ARMH3: variants seen among roughly 807,000 people sequenced by gnomAD.
ARMH3 encodes the protein armadillo like helical domain containing 3, also known as armadillo-like helical domain-containing protein 3.
Under a neutral mutation model 99.1 loss-of-function variants are expected in ARMH3, and 60 were observed. That is an observed-to-expected ratio of 0.61 (90% CI 0.49 to 0.75). The LOEUF (loss-of-function observed/expected upper bound fraction) is 0.75. ARMH3 is among the 30% of genes least tolerant of loss of function. The probability of loss-of-function intolerance (pLI) is 0.00; values close to 1 mark genes in which losing one functional copy is unlikely to be tolerated. For missense variants in ARMH3, 679 were observed against 843.1 expected (o/e 0.81, Z 2.41); for synonymous variants, 285 against 292.8 (o/e 0.97, Z 0.27).
rs114394025 is a variant in ARMH3 at position 101,860,807 on chromosome 10, G to A, written c.1861-10915C>T. ...GCCACAATAGTTACACCCGAGCAGT[G>A]GCACTAAACTAGCCCTAGAGTAAAG... On this transcript the variant is annotated intron_variant, in intron 24 of 25. Coordinates refer to ENST00000370033, the MANE Select transcript of ARMH3 (RefSeq NM_024541.3). Among the ~76,000 whole-genome samples the A allele has an allele frequency of 9.4e-3, 1,427 of 152,194 alleles. 19 individuals carry two copies. Among genetic ancestry groups the A allele is most frequent in the African/African-American group, 0.033 (1,350 of 41,514 alleles).
At chr10:102,013,509 T>C (rs1221267816) in intron 9 of ARMH3, among the ~76,000 whole-genome samples, 1 of 152,172 alleles carries the variant, frequency 6.6e-6, no homozygotes, top group Non-Finnish European at 1.5e-5. Flanking sequence ...CTCCCTATAT[T>C]CAGAGATCAG....
chr10:101,975,262 T>C lies in ARMH3; in HGVS notation c.1445A>G (p.Gln482Arg). Reference sequence around the variant, plus strand: ...ATGCAGGCGTACCCGACACTTCTTCTGGTAGCAGAGCAGTTTGTGTACTAC... The same window carrying C: ...ATGCAGGCGTACCCGACACTTCTTCCGGTAGCAGAGCAGTTTGTGTACTAC... The part of the protein sequence containing the change: ...IQVVHKLLCY[Q>R]KKCRVRLHYT... Residue 482 changes from glutamine to arginine, a missense_variant, in exon 20 of 26, where the codon CAG (glutamine) becomes CGG (arginine). By Grantham distance (43) the Gln-to-Arg change is conservative. Transcript: ENST00000370033. 1.2e-6 allele frequency: 2 copies of C among 1,612,658 alleles called. No homozygotes were observed. The highest frequency in any genetic ancestry group is 1.7e-6 in the Non-Finnish European group (2 of 1,179,076).
intron 22 of ARMH3, among the ~76,000 whole-genome samples, chr10:101,944,171 C>T (rs1227634591): frequency 6.9e-6 from 1 of 144,846 alleles, no homozygotes; most frequent in African/African-American, 2.6e-5. Context: ...AAGAAACCCA[C>T]GGCTAAGCAC....
At chr10:102,038,055 G>C (rs1314926187) in intron 2 of ARMH3, among the ~76,000 whole-genome samples, 2 of 143,938 alleles carry the variant, frequency 1.4e-5, no homozygotes, top group African/African-American at 5.2e-5. Flanking sequence ...AGCAGGAGTT[G>C]TATACACCAA....
intron 24 of ARMH3, among the ~76,000 whole-genome samples, chr10:101,866,200 AAG>A (rs1310050010): frequency 1.3e-5 from 2 of 151,996 alleles, no homozygotes; most frequent in Admixed American, 6.6e-5. Context: ...CAGCCTGGGC[AAG>A]AAGAATGAAA....
intron 11 of ARMH3, 46 bp downstream of exon 11, chr10:102,011,677 C>T (rs1400046428): frequency 1.3e-6 from 2 of 1,525,052 alleles, no homozygotes; most frequent in Admixed American, 3.7e-5. Flanking sequence ...CTGCAGACCA[C>T]ACTGTTTCTG....
chr10:102,000,439 G>A (rs1461866897), intron 15 of ARMH3, among the ~76,000 whole-genome samples: 1 of 151,866 alleles, frequency 6.6e-6, no homozygotes, highest in Non-Finnish European at 1.5e-5. Flanking sequence ...TGTTTAATGG[G>A]TATAGAGTTT....
At chr10:102,006,772 A>C in intron 13 of ARMH3, 139 bp from the exon 14 acceptor site, 2 of 673,366 alleles carry the variant, frequency 3.0e-6, no homozygotes, top group South Asian at 1.9e-5. Flanking sequence ...ATGTTGTCCA[A>C]GCTGGTCTCG....
intron 20 of ARMH3, among the ~76,000 whole-genome samples, chr10:101,960,267 G>C (rs1221498561): frequency 1.3e-5 from 2 of 152,110 alleles, no homozygotes; most frequent in South Asian, 2.1e-4. Context: ...CTTCAAGAGA[G>C]AATGTCCCAA....
At chr10:101,924,296 T>A (rs568116662) in intron 23 of ARMH3, among the ~76,000 whole-genome samples, 1 of 152,034 alleles carries the variant, frequency 6.6e-6, no homozygotes, top group African/African-American at 2.4e-5. Context: ...ATAACAATAG[T>A]AGCTATCTTG....
intron 8 of ARMH3, among the ~76,000 whole-genome samples, chr10:102,015,390 GA>G (rs1253077569): frequency 7.0e-6 from 1 of 143,516 alleles, no homozygotes; most frequent in Non-Finnish European, 1.5e-5. Context: ...AAGGTTTTGG[GA>G]TTTTTTTTTT....
At chr10:102,001,916 C>T in intron 15 of ARMH3, 55 bp downstream of exon 15, 4 of 1,477,146 alleles carry the variant, frequency 2.7e-6, no homozygotes, top group Non-Finnish European at 3.8e-6. Context: ...CTCTTTGATG[C>T]TAGCTGCCTG....
intron 22 of ARMH3, among the ~76,000 whole-genome samples, chr10:101,955,689 C>A (rs535778876): frequency 6.6e-6 from 1 of 152,218 alleles, no homozygotes; most frequent in South Asian, 2.1e-4. Context: ...ATGAAGCAAA[C>A]CAATCTACAG....
At chr10:101,997,569 C>T (rs1314411873) in intron 15 of ARMH3, among the ~76,000 whole-genome samples, 4 of 146,244 alleles carry the variant, frequency 2.7e-5, no homozygotes, top group African/African-American at 7.7e-5. Context: ...TCCAGCCTGG[C>T]GACAGAGCAA....
intron 23 of ARMH3, among the ~76,000 whole-genome samples, chr10:101,904,008 C>T (rs894609090): frequency 6.6e-6 from 1 of 152,216 alleles, no homozygotes; most frequent in African/African-American, 2.4e-5. Flanking sequence ...TGGATCTCAG[C>T]TGTGCCGTGC....
chr10:101,976,596 G>A (rs1846024365), intron 19 of ARMH3, among the ~76,000 whole-genome samples: 1 of 152,078 alleles, frequency 6.6e-6, no homozygotes, highest in Non-Finnish European at 1.5e-5. Flanking sequence ...TCTACTCAAA[G>A]TGGTATAGTG....
intron 23 of ARMH3, among the ~76,000 whole-genome samples, chr10:101,920,543 A>C (rs1843265980): frequency 6.6e-6 from 1 of 152,196 alleles, no homozygotes. Context: ...ACGAGACAGA[A>C]AGAGGCAGGC....
intron 14 of ARMH3, among the ~76,000 whole-genome samples, chr10:102,006,278 G>A (rs1006053553): frequency 2.0e-5 from 3 of 152,232 alleles, no homozygotes; most frequent in Non-Finnish European, 4.4e-5. Context: ...TGACCTTGCA[G>A]GTCTAGCACT....
At position 102,012,894 on chromosome 10, in the gene ARMH3, G is replaced by A. The variant is rs2066662483; in HGVS notation, c.727-18C>T. 6.3e-7 allele frequency: 1 copy of A among 1,597,738 alleles called. No individual in the cohort carries two copies. Among genetic ancestry groups the A allele is most frequent in the East Asian group, 2.2e-5 (1 of 44,484 alleles). On this transcript the variant is annotated intron_variant, in intron 9 of 25. Coordinates refer to ENST00000370033, the MANE Select transcript of ARMH3 (RefSeq NM_024541.3). The stretch of plus-strand genomic sequence containing the variant: ...CCCATTCCCTAGAAGGGAAAAGATA[G>A]CACAGGTGAAATAAGACAGTAGCCT...
Sources: allele counts gnomAD v4.1 joint callset (sites outside exome capture counted in the v4.1 genomes callset), GRCh38; gene constraint gnomAD v4.1.1; transcripts MANE v1.5; gene names NCBI Gene and HGNC (gene_info 2026-07-23, HGNC 2026-07-21).